The following CCDC158 variants were observed in gnomAD, a reference collection of about 807,000 sequenced individuals.
CCDC158 encodes the protein coiled-coil domain-containing protein 158.
In CCDC158, 116 loss-of-function variants were observed where a neutral mutation model predicts 138.6. The observed-to-expected ratio is 0.84, with a 90% confidence interval of 0.72 to 0.98. The LOEUF is 0.98. Among genes scored for constraint, CCDC158 ranks in the 50% least tolerant of loss-of-function variants. The pLI, the probability that CCDC158 is intolerant of heterozygous loss-of-function variation, is 0.00. For synonymous variants in CCDC158, 436 were observed against 442.4 expected, an observed-to-expected ratio of 0.99 and a Z score of 0.18; for missense variants, 1,265 against 1,306.1, an observed-to-expected ratio of 0.97 and a Z score of 0.48.
chr4:76,418,177 G>GAGAATACACTAGGAGAAGAGAATACA (rs1729847593), intron 1 of CCDC158, among the ~76,000 whole-genome samples: 2 of 152,180 alleles, frequency 1.3e-5, no homozygotes, highest in Admixed American at 1.3e-4. Flanking sequence ...AGAAGCTGGG[G>GAGAATACACTAGGAGAAGAGAATACA]CTAGCTATAA....
At chr4:76,333,587 G>T (rs529431071) in intron 19 of CCDC158, among the ~76,000 whole-genome samples, 1 of 152,306 alleles carries the variant, frequency 6.6e-6, no homozygotes, top group South Asian at 2.1e-4. Context: ...TACTTGGAGA[G>T]TATATAGTTC....
At chr4:76,421,324 G>T (rs1020401948), upstream of CCDC158, among the ~76,000 whole-genome samples, 1 of 151,922 alleles carries the variant, frequency 6.6e-6, no homozygotes, top group African/African-American at 2.4e-5. Context: ...GCCGGACGCC[G>T]TCGCTGGGGC....
intron 1 of CCDC158, among the ~76,000 whole-genome samples, chr4:76,414,745 G>T (rs1729559554): frequency 6.6e-6 from 1 of 152,174 alleles, no homozygotes; most frequent in African/African-American, 2.4e-5. Context: ...ATTTTCTCTT[G>T]CTGCTGCCAA....
intron 9 of CCDC158, chr4:76,375,465 G>T (rs1010913768): frequency 1.3e-4 from 81 of 644,442 alleles, no homozygotes; most frequent in Non-Finnish European, 2.5e-5. Context: ...ACTATGCAGA[G>T]GTTTGCACAG....
chr4:76,329,953 G>A (rs976967115), intron 21 of CCDC158, among the ~76,000 whole-genome samples: 1 of 152,084 alleles, frequency 6.6e-6, no homozygotes, highest in Non-Finnish European at 1.5e-5. Context: ...TGTAAAACAT[G>A]TTTTCTCAAT....
intron 2 of CCDC158, among the ~76,000 whole-genome samples, chr4:76,411,775 T>G (rs1348621564): frequency 1.3e-5 from 2 of 152,236 alleles, no homozygotes; most frequent in African/African-American, 4.8e-5. Context: ...ATTACAGTTG[T>G]GTTTTTCAAA....
chr4:76,391,353 C>G (rs1005051075), intron 4 of CCDC158, among the ~76,000 whole-genome samples: 18 of 151,912 alleles, frequency 1.2e-4, no homozygotes, highest in African/African-American at 4.1e-4. Flanking sequence ...TGGAATAAAA[C>G]TACAAATCAA....
intron 24 of CCDC158, among the ~76,000 whole-genome samples, chr4:76,316,899 A>AC (rs1491131858): frequency 1.8e-5 from 2 of 113,464 alleles, no homozygotes; most frequent in Admixed American, 9.3e-5. Flanking sequence ...TCTTTTGCAG[A>AC]CAAAAAAAAA....
At chr4:76,321,983 G>A (rs1009404977) in intron 24 of CCDC158, among the ~76,000 whole-genome samples, 12 of 151,496 alleles carry the variant, frequency 7.9e-5, no homozygotes, top group Non-Finnish European at 1.6e-4. Context: ...ATAATAATAC[G>A]ATGGACGTTG....
intron 18 of CCDC158, among the ~76,000 whole-genome samples, chr4:76,336,644 C>T (rs1721538156): frequency 6.6e-6 from 1 of 152,200 alleles, no homozygotes; most frequent in African/African-American, 2.4e-5. Flanking sequence ...ACCCTGGTCA[C>T]AGTTCTAACA....
At chr4:76,369,723 G>A (rs1311571055) in intron 10 of CCDC158, 100 bp from the exon 11 acceptor site, 3 of 999,402 alleles carry the variant, frequency 3.0e-6, no homozygotes, top group Non-Finnish European at 4.4e-6. Context: ...TGTGATTTCA[G>A]ACACCTTTGA....
chr4:76,349,248 A>AG (rs1722840342), intron 18 of CCDC158, among the ~76,000 whole-genome samples: 1 of 152,232 alleles, frequency 6.6e-6, no homozygotes, highest in African/African-American at 2.4e-5. Flanking sequence ...CAAAGAATGA[A>AG]TATTACTTTT....
intron 4 of CCDC158, among the ~76,000 whole-genome samples, chr4:76,389,149 T>G (rs1727086998): frequency 6.6e-6 from 1 of 152,014 alleles, no homozygotes; most frequent in African/African-American, 2.4e-5. Flanking sequence ...AAAACAGAGA[T>G]ATATGACTTT....
chr4:76,386,354 G>A (rs1339541689), intron 4 of CCDC158, among the ~76,000 whole-genome samples: 1 of 152,246 alleles, frequency 6.6e-6, no homozygotes, highest in Non-Finnish European at 1.5e-5. Context: ...AGCTGTGACA[G>A]GAAATATCCT....
rs758134436 is a variant in CCDC158, at chr4:76,369,600, C to T, written c.1173G>A (p.Lys391=). 13 of 1,614,114 alleles carry T rather than the reference C, an allele frequency of 8.1e-6. No homozygotes were observed. Among genetic ancestry groups the T allele is most frequent in the Non-Finnish European group, 1.1e-5 (13 of 1,180,000 alleles). ...TCTGCTCCTTCTCCAGACTCAGCTC[C>T]TTCTCCCTTTTGTGTAGATCAGCCT... ...KLLADLHKRE[K]ELSLEKEQNK... Residue 391 remains lysine, a synonymous_variant, in exon 11 of 25, where the codon AAG becomes AAA. Coordinates refer to ENST00000682701, the MANE Select transcript of CCDC158 (RefSeq NM_001394954.1).
At chr4:76,416,316 C>G (rs987341695) in intron 1 of CCDC158, among the ~76,000 whole-genome samples, 5 of 152,142 alleles carry the variant, frequency 3.3e-5, no homozygotes, top group African/African-American at 1.2e-4. Context: ...CACTACCGGT[C>G]TCCGCGTCTT....
In CCDC158 at chr4:76,379,304, T is replaced by A; in HGVS notation, c.1015A>T (p.Met339Leu). Residue 339 changes from methionine to leucine, a missense_variant, in exon 9 of 25, where the codon ATG becomes TTG. By Grantham distance (15) the Met-to-Leu change is conservative (BLOSUM62 2). Coordinates refer to ENST00000682701, the MANE Select transcript of CCDC158 (RefSeq NM_001394954.1). ...CCTAAACTCACCTTGTCTTCATACA[T>A]CCTTTTGGCTTCCCTTAATTCAGAA... ...LRSELREAKR[M>L]YEDKTEELEK... 1 of 1,603,690 alleles carries A rather than the reference T, an allele frequency of 6.2e-7. No homozygotes were observed. The highest frequency in any genetic ancestry group is 8.5e-7 in the Non-Finnish European group (1 of 1,175,742).
Position 76,332,480 on chromosome 4 carries a change from A to AC in CCDC158, c.2833dup (p.Val945GlyfsTer7). 1 of 1,607,676 alleles carries AC rather than the reference A, an allele frequency of 6.2e-7. No homozygotes were observed. Among genetic ancestry groups the AC allele is most frequent in the African/African-American group, 1.3e-5 (1 of 74,776 alleles). ...GCTGGATTCAGTAATGCAATCTCTT[A>AC]CCCTATCCTCTCTGTATAGAAAATA... is the stretch of plus-strand genomic sequence containing the variant. On this transcript the variant is annotated frameshift_variant, in exon 20 of 25. Coordinates refer to ENST00000682701, the MANE Select transcript of CCDC158 (RefSeq NM_001394954.1). LOFTEE classifies it high-confidence loss of function.
chr4:76,367,296 T>C lies in CCDC158; in HGVS notation c.1828A>G (p.Lys610Glu). ...AATCACAAAAAAACTCTACAGACCTTAAGTTCCTTTAGTTCCATCCGCCTA... is the reference window on the plus strand; with the variant it reads ...AATCACAAAAAAACTCTACAGACCTCAAGTTCCTTTAGTTCCATCCGCCTA... Reference protein sequence around the residue: ...NDRRMELKELKILKDKKDAKI... With the variant: ...NDRRMELKELEILKDKKDAKI... Residue 610 changes from lysine to glutamate, a missense_variant and splice_region_variant, in exon 12 of 25, where the codon AAG (lysine) becomes GAG (glutamate). By Grantham distance (56) the Lys-to-Glu change is moderately conservative (BLOSUM62 1). Coordinates refer to ENST00000682701, the MANE Select transcript of CCDC158 (RefSeq NM_001394954.1). 1 of 1,609,136 alleles carries C rather than the reference T, an allele frequency of 6.2e-7. No homozygotes were observed. Among genetic ancestry groups the C allele is most frequent in the South Asian group, 1.1e-5 (1 of 90,626 alleles).
Sources: gnomAD v4.1 joint callset for allele counts (sites outside exome capture counted in the v4.1 genomes callset) on GRCh38, gnomAD v4.1.1 for gene constraint, MANE v1.5 for transcripts, NCBI Gene and HGNC (gene_info 2026-07-23, HGNC 2026-07-21) for gene names.